RBM48: variants seen among roughly 807,000 people sequenced by gnomAD.
RBM48 encodes RNA-binding protein 48.
In RBM48, 32 loss-of-function variants were observed where a neutral mutation model predicts 34.8. The ratio of observed to expected loss-of-function variants is 0.92; its 90% confidence interval spans 0.69 to 1.23. The LOEUF is 1.23. Among genes scored for constraint, RBM48 ranks in the 50% most tolerant of loss-of-function variants. RBM48 has a pLI of 0.00. For missense variants in RBM48, 441 were observed against 447.2 expected (o/e 0.99, Z 0.12); for synonymous variants, 151 against 156.2 (o/e 0.97, Z 0.25).
intron 3 of RBM48, among the ~76,000 whole-genome samples, chr7:92,534,035 A>G (rs1793641380): frequency 6.6e-6 from 1 of 152,016 alleles, no homozygotes; most frequent in Non-Finnish European, 1.5e-5. Context: ...CTACAGTGAA[A>G]TGGAAAATGC....
At chr7:92,535,812 C>G in intron 4 of RBM48, 1 of 981,870 alleles carries the variant, frequency 1.0e-6, no homozygotes, top group Non-Finnish European at 1.2e-6. Context: ...AATTAAAATC[C>G]GTGGGCACAG....
rs1793650309 is a variant in RBM48, at chr7:92,534,403, C to T, written c.450C>T (p.Asp150=). ...CAACTTTTAAATTGTAATATAAAGA[C>T]CATTACGTGACAAAGAAGAAATTGG... ...AYVVKTTENK[D]HYVTKKKLVT... The change falls in exon 4 of 5, where the codon GAC becomes GAT. Residue 150 remains aspartate (D), a splice_region_variant and synonymous_variant. Coordinates refer to ENST00000265732, the MANE Select transcript of RBM48 (RefSeq NM_032120.4). 5 of 1,607,662 alleles carry T rather than the reference C, an allele frequency of 3.1e-6. No individual in the cohort carries two copies. The highest frequency in any genetic ancestry group is 3.4e-6 in the Non-Finnish European group (4 of 1,176,842).
rs1442782893 is a variant in RBM48, at chr7:92,537,417, T to G, written c.*480T>G. The G allele has an allele frequency of 1.3e-5, 2 of 152,558 alleles. No individual in the cohort carries two copies. Among genetic ancestry groups the G allele is most frequent in the Admixed American group, 1.3e-4 (2 of 15,292 alleles). 9.5% of individuals were successfully genotyped at this position (152,558 alleles called of 1,614,324 possible). A position where few individuals can be genotyped will look rare whatever the true frequency, so the allele number is the denominator to read the frequency against. On this transcript the variant is annotated 3_prime_UTR_variant, in exon 5 of 5. Transcript: ENST00000265732. The stretch of plus-strand genomic sequence containing the variant: ...TACTTAATGTTGCAGAAACTATTCT[T>G]GTCATAACATTATCTCTCATGTACA...
Position 92,534,559 on chromosome 7 carries a change from T to C in RBM48, c.606T>C (p.Pro202=), listed in dbSNP as rs1793655982. 6.2e-7 allele frequency: 1 copy of C among 1,614,060 alleles called. No homozygotes were observed. The highest frequency in any genetic ancestry group is 8.5e-7 in the Non-Finnish European group (1 of 1,180,034). The change falls in exon 4 of 5, where the codon CCT becomes CCC. Residue 202 remains proline (P), a synonymous_variant. Transcript: ENST00000265732. ...NPYLPYSCEL[P]LCYFSSKCMC... Reference sequence around the variant, plus strand: ...ATCTTCCGTATTCCTGTGAATTGCCTTTATGTTATTTCTCCTCAAAATGTA... The same window carrying C: ...ATCTTCCGTATTCCTGTGAATTGCCCTTATGTTATTTCTCCTCAAAATGTA...
intron 4 of RBM48, 156 bp from the exon 5 acceptor site, chr7:92,536,695 C>T (rs1328526962): frequency 7.7e-7 from 1 of 1,290,760 alleles, no homozygotes; most frequent in Non-Finnish European, 9.9e-7. Context: ...CACTCTGTGC[C>T]TAGGTCATAG....
At chr7:92,535,339 T>C in intron 4 of RBM48, 1 of 1,137,486 alleles carries the variant, frequency 8.8e-7, no homozygotes, top group Non-Finnish European at 1.1e-6. Flanking sequence ...AAATTATTTC[T>C]CTCAAATTTA....
Position 92,537,580 on chromosome 7 carries a change from A to G in RBM48, c.*643A>G, listed in dbSNP as rs1455301040. Reference sequence around the variant, plus strand: ...ACACTAGAAGTCAGGATGTTTCCGAATGCCAGGGTTTCAAAATCAAGACAA... The same window carrying G: ...ACACTAGAAGTCAGGATGTTTCCGAGTGCCAGGGTTTCAAAATCAAGACAA... On this transcript the variant is annotated 3_prime_UTR_variant, in exon 5 of 5. Coordinates refer to ENST00000265732, the MANE Select transcript of RBM48 (RefSeq NM_032120.4). 6.6e-6 allele frequency: 1 copy of G among 152,232 alleles called. No homozygotes were observed. Among genetic ancestry groups the G allele is most frequent in the Admixed American group, 6.5e-5 (1 of 15,280 alleles). The allele number at this position is 152,232 out of a possible 1,614,324, so 9.4% of individuals were successfully genotyped here.
rs1793445469 is a variant in RBM48 at position 92,528,811 on chromosome 7, A to G, written c.-3A>G. On this transcript the variant is annotated 5_prime_UTR_variant, in exon 1 of 5. Transcript: ENST00000265732. ...CCTCCCTGCGAGGATCAAAGTAGGC[A>G]AGATGGCGTCGAGCGGCGGGGAGCT... The G allele has an allele frequency of 5.0e-6, 8 of 1,613,464 alleles. No homozygotes were observed. The highest frequency in any genetic ancestry group is 1.1e-5 in the South Asian group (1 of 91,034).
At chr7:92,536,035 G>A (rs1793703016) in intron 4 of RBM48, 1 of 443,868 alleles carries the variant, frequency 2.3e-6, no homozygotes, top group East Asian at 1.6e-4. Flanking sequence ...GGAAGCTTAG[G>A]TGGAAGGGTA....
In RBM48 at chr7:92,538,422, C is replaced by CAAA. The variant is rs1793777218; in HGVS notation, c.*1485_*1486insAAA. On this transcript the variant is annotated 3_prime_UTR_variant, in exon 5 of 5. Coordinates refer to ENST00000265732, the MANE Select transcript of RBM48 (RefSeq NM_032120.4). ...TTCCTGTTGTTTTTCAGCTTTTACT[C>CAAA]CCTCCTCCTCTTCAGAGATGGGAGA... Among the ~76,000 whole-genome samples the CAAA allele has an allele frequency of 1.3e-5, 2 of 152,182 alleles. No homozygotes were observed. Among genetic ancestry groups the CAAA allele is most frequent in the Non-Finnish European group, 2.9e-5 (2 of 68,044 alleles).
At chr7:92,530,748 C>G (rs1793553835) in intron 2 of RBM48, among the ~76,000 whole-genome samples, 1 of 149,906 alleles carries the variant, frequency 6.7e-6, no homozygotes, top group South Asian at 2.1e-4. Flanking sequence ...TGCAGTGAGC[C>G]AAGATCATGC....
rs116704124 is a variant in RBM48, at chr7:92,539,122, C to T, written c.*2185C>T. ...CAGACCATCTTTGAATAGCAAGGCT[C>T]TAGATAACTGGGCTACAGATGAACT... On this transcript the variant is annotated 3_prime_UTR_variant, in exon 5 of 5. Transcript: ENST00000265732. Among the ~76,000 whole-genome samples, 1,249 of 152,310 alleles carry T rather than the reference C, an allele frequency of 8.2e-3. 19 individuals carry two copies. The highest frequency in any genetic ancestry group is 0.029 in the African/African-American group (1,186 of 41,558).
At chr7:92,533,926 A>G (rs1554380470) in intron 3 of RBM48, among the ~76,000 whole-genome samples, 1 of 150,932 alleles carries the variant, frequency 6.6e-6, no homozygotes, top group Non-Finnish European at 1.5e-5. Context: ...ACACAAGCCA[A>G]GGAGCATGAT....
Position 92,528,879 on chromosome 7 carries a change from C to G in RBM48, c.66C>G (p.Asp22Glu). The change falls in exon 1 of 5, where the codon GAC becomes GAG. Residue 22 changes from aspartate (D) to glutamate (E), a missense_variant. Coordinates refer to ENST00000265732, the MANE Select transcript of RBM48 (RefSeq NM_032120.4). ...FDHHVQRAVC[D>E]TRAKYREGRR... Reference sequence around the variant, plus strand: ...ACCACGTCCAGAGGGCGGTATGCGACACACGGGCCAAATATCGAGAGGGAC... The same window carrying G: ...ACCACGTCCAGAGGGCGGTATGCGAGACACGGGCCAAATATCGAGAGGGAC... The G allele has an allele frequency of 6.2e-7, 1 of 1,614,114 alleles. No individual in the cohort carries two copies. The highest frequency in any genetic ancestry group is 1.3e-5 in the African/African-American group (1 of 75,036).
rs753991587 is a variant in RBM48, at chr7:92,534,557, C to G, written c.604C>G (p.Pro202Ala). 6.2e-7 allele frequency: 1 copy of G among 1,614,116 alleles called. No homozygotes were observed. The highest frequency in any genetic ancestry group is 1.7e-5 in the Admixed American group (1 of 60,024). The change falls in exon 4 of 5, where the codon CCT becomes GCT. Residue 202 changes from proline to alanine, a missense_variant. Physicochemically the swap from Pro to Ala is conservative, Grantham distance 27. Coordinates refer to ENST00000265732, the MANE Select transcript of RBM48 (RefSeq NM_032120.4). ...TTATCTTCCGTATTCCTGTGAATTG[C>G]CTTTATGTTATTTCTCCTCAAAATG... ...NPYLPYSCEL[P>A]LCYFSSKCMC...
Position 92,537,426 on chromosome 7 carries a change from A to G in RBM48, c.*489A>G, listed in dbSNP as rs1410301346. The G allele has an allele frequency of 6.6e-6, 1 of 152,458 alleles. No homozygotes were observed. Among genetic ancestry groups the G allele is most frequent in the East Asian group, 1.9e-4 (1 of 5,198 alleles). 9.4% of individuals were successfully genotyped at this position (152,458 alleles called of 1,614,324 possible). A position where few individuals can be genotyped will look rare whatever the true frequency, so the allele number is the denominator to read the frequency against. On this transcript the variant is annotated 3_prime_UTR_variant, in exon 5 of 5. Coordinates refer to ENST00000265732, the MANE Select transcript of RBM48 (RefSeq NM_032120.4). ...TTGCAGAAACTATTCTTGTCATAAC[A>G]TTATCTCTCATGTACAGTAATTATA... is the stretch of plus-strand genomic sequence containing the variant.
At chr7:92,532,352 A>T in intron 2 of RBM48, 52 bp from the exon 3 acceptor site, 10 of 1,510,796 alleles carry the variant, frequency 6.6e-6, no homozygotes, top group South Asian at 1.2e-5. Context: ...TTAAGCTTTC[A>T]TCCCAAGTAA....
Position 92,538,355 on chromosome 7 carries a change from A to T in RBM48, c.*1418A>T, listed in dbSNP as rs1328981774. Among the ~76,000 whole-genome samples, 1 of 152,190 alleles carries T rather than the reference A, an allele frequency of 6.6e-6. No homozygotes were observed. Among genetic ancestry groups the T allele is most frequent in the Non-Finnish European group, 1.5e-5 (1 of 68,026 alleles). Reference sequence around the variant, plus strand: ...AGTTGGGGGGTTAATCTTTAACCTCAGGCCTGGTCAGTGGCGTCGGTTGGT... The same window carrying T: ...AGTTGGGGGGTTAATCTTTAACCTCTGGCCTGGTCAGTGGCGTCGGTTGGT... On this transcript the variant is annotated 3_prime_UTR_variant, in exon 5 of 5. Transcript: ENST00000265732.
rs1239397512 is a variant in RBM48, at chr7:92,539,782, AATT to A, written c.*2850_*2852del. ...GTAAGGCAATTTTATGAGCCAAATC[AATT>A]ATTAGACTGATACTTGCAGCTCAGA... On this transcript the variant is annotated 3_prime_UTR_variant, in exon 5 of 5. Transcript: ENST00000265732. Among the ~76,000 whole-genome samples the A allele has an allele frequency of 1.3e-5, 2 of 152,250 alleles. No homozygotes were observed. The highest frequency in any genetic ancestry group is 2.9e-5 in the Non-Finnish European group (2 of 68,046).
Sources: gnomAD v4.1 joint callset for allele counts (sites outside exome capture counted in the v4.1 genomes callset) on GRCh38, gnomAD v4.1.1 for gene constraint, MANE v1.5 for transcripts, NCBI Gene and HGNC (gene_info 2026-07-23, HGNC 2026-07-21) for gene names.